Variants in CERS3 observed in about 807,000 individuals in gnomAD.
The protein encoded by CERS3 is ceramide synthase 3, also known as LAG1 homolog, ceramide synthase 3.
A neutral mutation model predicts 50.3 loss-of-function variants in CERS3; 33 were observed. The ratio of observed to expected loss-of-function variants is 0.66; its 90% CI spans 0.50 to 0.88. CERS3 has a LOEUF of 0.88. Among genes scored for constraint, CERS3 ranks in the 40% least tolerant of loss-of-function variants. The pLI is 0.00. For synonymous variants in CERS3, 176 were observed against 155.2 expected, an observed-to-expected ratio of 1.13 and a Z score of -0.99; for missense variants, 470 against 460.3, an observed-to-expected ratio of 1.02 and a Z score of -0.19.
At position 100,429,257 on chromosome 15, in the gene CERS3, C is replaced by T. The variant is rs1015335437; in HGVS notation, c.1000-26392G>A. Among the ~76,000 whole-genome samples the T allele has an allele frequency of 7.2e-5, 11 of 152,224 alleles. No individual in the cohort carries two copies. The South Asian group carries it at 1.0e-3, about 14-fold the overall frequency. On this transcript the variant is annotated intron_variant, in intron 11 of 11. Transcript: ENST00000679737. Reference sequence around the variant, plus strand: ...GTTTCTATAGCAGTGCTCTCTGCCACTGTGTGGAAATGGCTGGAAGGAGCC... The same window carrying T: ...GTTTCTATAGCAGTGCTCTCTGCCATTGTGTGGAAATGGCTGGAAGGAGCC...
At chr15:100,456,609 T>G (rs1023934910) in intron 10 of CERS3, among the ~76,000 whole-genome samples, 1 of 152,312 alleles carries the variant, frequency 6.6e-6, no homozygotes, top group Non-Finnish European at 1.5e-5. Context: ...GGACACAATT[T>G]GAACTGCTCC....
intron 11 of CERS3, among the ~76,000 whole-genome samples, chr15:100,427,488 G>A (rs1457218423): frequency 6.6e-6 from 1 of 152,176 alleles, no homozygotes; most frequent in Non-Finnish European, 1.5e-5. Flanking sequence ...TGCCAGGAAA[G>A]GGTTAAAAGT....
At chr15:100,474,998 G>A (rs2654576) in intron 8 of CERS3, among the ~76,000 whole-genome samples, 144,969 of 152,270 alleles carry the variant, frequency 0.95, 69,300 homozygotes, top group Non-Finnish European at 1. Context: ...ACCCGTAAAT[G>A]ATAAAAGGGA....
chr15:100,434,347 C>T (rs759687969), intron 11 of CERS3, among the ~76,000 whole-genome samples: 49 of 152,350 alleles, frequency 3.2e-4, no homozygotes, highest in Non-Finnish European at 5.9e-4. Context: ...TTGAAGAACA[C>T]AGCCCCTTTG....
At chr15:100,471,662 T>C (rs1476792336) in intron 9 of CERS3, among the ~76,000 whole-genome samples, 2 of 152,238 alleles carry the variant, frequency 1.3e-5, no homozygotes, top group Non-Finnish European at 2.9e-5. Flanking sequence ...GACAGCACCA[T>C]ACAGAAAAAA....
chr15:100,418,022 A>G (rs939904202), intron 11 of CERS3, among the ~76,000 whole-genome samples: 85 of 152,184 alleles, frequency 5.6e-4, no homozygotes, highest in African/African-American at 1.8e-3. Context: ...AACGCAGAGC[A>G]CCTCTCCTCC....
At chr15:100,537,181 A>T (rs987355162) in intron 1 of CERS3, among the ~76,000 whole-genome samples, 3 of 146,854 alleles carry the variant, frequency 2.0e-5, no homozygotes, top group Non-Finnish European at 4.4e-5. Flanking sequence ...TGGGATTTTT[A>T]AAAAAGCACA....
chr15:100,415,630 T>C (rs977805782), intron 11 of CERS3, among the ~76,000 whole-genome samples: 41 of 152,304 alleles, frequency 2.7e-4, no homozygotes, highest in African/African-American at 9.1e-4. Context: ...AATGAGACCA[T>C]GTCCTTTGTA....
At position 100,426,789 on chromosome 15, in the gene CERS3, C is replaced by T. The variant is rs1347722643; in HGVS notation, c.1000-23924G>A. 2.0e-5 allele frequency among the ~76,000 whole-genome samples: 3 copies of T among 152,200 alleles called. No homozygotes were observed. The South Asian group carries it at 6.2e-4, about 32-fold the overall frequency. On this transcript the variant is annotated intron_variant, in intron 11 of 11. Transcript: ENST00000679737. ...TGTCTAACAGTCTTTAAACTCTAGT[C>T]TCCTCCCCTTAACACCACCTTTTTC...
At chr15:100,536,511 C>T (rs1315356797) in intron 1 of CERS3, among the ~76,000 whole-genome samples, 1 of 152,178 alleles carries the variant, frequency 6.6e-6, no homozygotes, top group East Asian at 1.9e-4. Flanking sequence ...TCTCGAATTC[C>T]TAAGCTCGAA....
intron 11 of CERS3, among the ~76,000 whole-genome samples, chr15:100,453,302 A>T (rs568864456): frequency 6.6e-6 from 1 of 152,292 alleles, no homozygotes; most frequent in South Asian, 2.1e-4. Context: ...ATAACATACC[A>T]TGGCCAAGTG....
At chr15:100,420,915 T>A (rs2032376106) in intron 11 of CERS3, among the ~76,000 whole-genome samples, 1 of 148,766 alleles carries the variant, frequency 6.7e-6, no homozygotes, top group East Asian at 2.0e-4. Flanking sequence ...ATAAATTAGG[T>A]ATTGATGGGA....
At chr15:100,418,791 A>G (rs1477252973) in intron 11 of CERS3, among the ~76,000 whole-genome samples, 3 of 145,274 alleles carry the variant, frequency 2.1e-5, no homozygotes, top group African/African-American at 7.6e-5. Context: ...ATTCTTAAAG[A>G]AAAGAATTTT....
intron 11 of CERS3, among the ~76,000 whole-genome samples, chr15:100,420,894 A>C (rs1346912768): frequency 6.6e-6 from 1 of 150,928 alleles, no homozygotes; most frequent in African/African-American, 2.4e-5. Context: ...CCTTCATGCT[A>C]AAAACTCTCA....
chr15:100,486,601 G>A (rs1020129878), intron 4 of CERS3, among the ~76,000 whole-genome samples: 4 of 152,290 alleles, frequency 2.6e-5, no homozygotes, highest in African/African-American at 7.2e-5. Context: ...TTGCAAACAC[G>A]AACAGACCCC....
chr15:100,466,981 G>A (rs1024454175), intron 10 of CERS3, among the ~76,000 whole-genome samples: 1 of 151,668 alleles, frequency 6.6e-6, no homozygotes, highest in African/African-American at 2.4e-5. Context: ...AGGCTCCCGA[G>A]TGGCTGGGAT....
chr15:100,526,788 AC>A, intron 1 of CERS3, among the ~76,000 whole-genome samples: 1 of 152,054 alleles, frequency 6.6e-6, no homozygotes, highest in South Asian at 2.1e-4. Flanking sequence ...CACTGGTGAT[AC>A]CCCCAATCCT....
intron 11 of CERS3, among the ~76,000 whole-genome samples, chr15:100,455,541 C>T (rs553206399): frequency 2.0e-5 from 3 of 152,120 alleles, no homozygotes; most frequent in East Asian, 1.9e-4. Context: ...ATTCTATGCA[C>T]GTACAAAATA....
chr15:100,410,117 C>A (rs1042084280), intron 11 of CERS3, among the ~76,000 whole-genome samples: 20 of 151,468 alleles, frequency 1.3e-4, no homozygotes, highest in East Asian at 2.0e-4. Context: ...ATGTTATTAG[C>A]AATATTATTC....
Sources: gnomAD v4.1 joint callset for allele counts (sites outside exome capture counted in the v4.1 genomes callset) on GRCh38, gnomAD v4.1.1 for gene constraint, MANE v1.5 for transcripts, NCBI Gene and HGNC (gene_info 2026-07-23, HGNC 2026-07-21) for gene names.